The following HK1 variants were observed in gnomAD, a reference collection of about 807,000 sequenced individuals.
HK1 encodes hexokinase 1.
Under a neutral mutation model 91.6 loss-of-function variants are expected in HK1, and 28 were observed. That is an observed-to-expected ratio of 0.31 (90% CI 0.23 to 0.42). The LOEUF is 0.42. HK1 is among the 10% of genes least tolerant of loss of function. HK1 has a pLI of 1.00. For synonymous variants in HK1, 430 were observed against 468.1 expected, an observed-to-expected ratio of 0.92 and a Z score of 1.05; for missense variants, 770 against 1,219.8, an observed-to-expected ratio of 0.63 and a Z score of 5.49.
chr10:69,362,490 T>C lies in HK1; in HGVS notation c.376-2293T>C, dbSNP rs184099786. ...TTTGAGTTCAGAGCGGTTAGGTGAC[T>C]TTTTTTCCTGGTTGATCGCAGACAT... On this transcript the variant is annotated intron_variant, in intron 3 of 17. Transcript: ENST00000359426. Among the ~76,000 whole-genome samples the C allele has an allele frequency of 8.5e-3, 1,289 of 151,878 alleles. 10 individuals carry two copies. The highest frequency in any genetic ancestry group is 0.025 in the South Asian group (122 of 4,804).
chr10:69,275,622 G>A (rs1844399453), intron 1 of HK1, among the ~76,000 whole-genome samples: 1 of 152,112 alleles, frequency 6.6e-6, no homozygotes. Flanking sequence ...AACGGGTATG[G>A]CTTGGTTCTA....
At chr10:69,289,067 G>T (rs964328159) in intron 3 of HK1, among the ~76,000 whole-genome samples, 1 of 152,034 alleles carries the variant, frequency 6.6e-6, no homozygotes, top group Non-Finnish European at 1.5e-5. Context: ...ATTACAAGCC[G>T]CTCTGGTGTT....
intron 3 of HK1, among the ~76,000 whole-genome samples, chr10:69,293,969 C>T (rs1293656259): frequency 1.3e-5 from 2 of 148,328 alleles, no homozygotes; most frequent in African/African-American, 5.0e-5. Context: ...TCACGCCATT[C>T]TCCTGCCTCA....
chr10:69,302,886 G>A (rs1845949773), intron 5 of HK1, among the ~76,000 whole-genome samples: 1 of 152,138 alleles, frequency 6.6e-6, no homozygotes, highest in South Asian at 2.1e-4. Flanking sequence ...AGTGGAAGGA[G>A]TTCAAGGATG....
chr10:69,343,604 G>A (rs956251172), intron 1 of HK1, among the ~76,000 whole-genome samples: 2 of 152,214 alleles, frequency 1.3e-5, no homozygotes, highest in African/African-American at 4.8e-5. Context: ...AAGGATCTTA[G>A]AGATATCGGG....
rs765640370 is a variant in HK1 at position 69,398,586 on chromosome 10, C to G, written c.2376-9C>G. On this transcript the variant is annotated splice_polypyrimidine_tract_variant and intron_variant, in intron 16 of 17. Transcript: ENST00000359426. ...CTTCATCCAGCCCTCTGGCTCTTGT[C>G]CCCCACAGTGACCGATTAGCACTGC... is the stretch of plus-strand genomic sequence containing the variant. The G allele has an allele frequency of 2.5e-6, 4 of 1,610,228 alleles. No homozygotes were observed. The highest frequency in any genetic ancestry group is 3.4e-6 in the Non-Finnish European group (4 of 1,177,698).
chr10:69,399,203 G>T (rs768060854), intron 17 of HK1, among the ~76,000 whole-genome samples: 4 of 152,184 alleles, frequency 2.6e-5, no homozygotes, highest in Non-Finnish European at 5.9e-5. Flanking sequence ...TGGGTAAGTG[G>T]GGAGAGGATA....
rs1331723558 is a variant in HK1 at position 69,276,109 on chromosome 10, A to AT, written c.-391+6001_-391+6002insT. Among the ~76,000 whole-genome samples, 198 of 70,758 alleles carry AT rather than the reference A, an allele frequency of 2.8e-3. 5 individuals carry two copies. The highest frequency in any genetic ancestry group is 3.8e-3 in the Non-Finnish European group (143 of 37,354). The allele number at this position is 70,758 out of a possible 152,430, so 46.4% of individuals were successfully genotyped here. A position where few individuals can be genotyped will look rare whatever the true frequency, so the allele number is the denominator to read the frequency against. On this transcript the variant is annotated intron_variant, in intron 1 of 21. Transcript: ENST00000360289. Reference sequence around the variant, plus strand: ...CCTTTTCAAAAAAAAAAAAAAAAAAAAAAAAAAAAATACATATATATATAT... The same window carrying AT: ...CCTTTTCAAAAAAAAAAAAAAAAAAATAAAAAAAAAATACATATATATATAT...
At chr10:69,400,283 A>G (rs558133510) in intron 17 of HK1, among the ~76,000 whole-genome samples, 2 of 152,198 alleles carry the variant, frequency 1.3e-5, no homozygotes, top group Non-Finnish European at 2.9e-5. Flanking sequence ...TAGGTCCCCA[A>G]CCAAGGACAG....
chr10:69,284,075 G>A (rs183849743), intron 2 of HK1, among the ~76,000 whole-genome samples: 11 of 152,276 alleles, frequency 7.2e-5, no homozygotes, highest in African/African-American at 2.6e-4. Context: ...CACAGTTTGA[G>A]ACTTGTAAAA....
intron 1 of HK1, 87 bp downstream of exon 1, chr10:69,319,097 G>A (rs990093361): frequency 6.1e-6 from 9 of 1,471,578 alleles, no homozygotes; most frequent in Non-Finnish European, 8.4e-6. Context: ...TCCATCCTCC[G>A]GCGCCCGGCC....
intron 17 of HK1, 50 bp from the exon 18 acceptor site, chr10:69,400,941 A>G: frequency 6.2e-7 from 1 of 1,608,716 alleles, no homozygotes; most frequent in East Asian, 2.2e-5. Context: ...GGGTAGGCCC[A>G]GCGTCTCTCA....
chr10:69,318,862 A>G lies in HK1; in HGVS notation c.-86A>G. 1.3e-6 allele frequency: 2 copies of G among 1,499,918 alleles called. No homozygotes were observed. The highest frequency in any genetic ancestry group is 1.3e-5 in the South Asian group (1 of 78,534). 92.9% of individuals were successfully genotyped at this position (1,499,918 alleles called of 1,614,324 possible). A position where few individuals can be genotyped will look rare whatever the true frequency, so the allele number is the denominator to read the frequency against. The stretch of plus-strand genomic sequence containing the variant: ...GGAGGAGGAGGAGGAGGAGCCGCCG[A>G]GCAGCCGCCGGAGGACCACGGCTCG... On this transcript the variant is annotated 5_prime_UTR_variant, in exon 1 of 18. Transcript: ENST00000359426.
intron 1 of HK1, among the ~76,000 whole-genome samples, chr10:69,327,000 C>CTTTTTTTT (rs1042738695): frequency 8.1e-5 from 9 of 110,930 alleles, no homozygotes; most frequent in East Asian, 2.6e-4. Context: ...TGGTTTTAAA[C>CTTTTTTTT]TTTTTTTTTT....
intron 4 of HK1, 108 bp from the exon 5 acceptor site, chr10:69,368,428 T>G: frequency 1.1e-6 from 1 of 909,200 alleles, no homozygotes; most frequent in South Asian, 1.4e-5. Flanking sequence ...AGGAGCCACT[T>G]GGCCCCTATG....
rs116537889 is a variant in HK1 at position 69,293,822 on chromosome 10, A to G, written c.-114-1811A>G. 3.2e-3 allele frequency among the ~76,000 whole-genome samples: 478 copies of G among 150,746 alleles called. 3 individuals are homozygous for G. Among genetic ancestry groups the G allele is most frequent in the African/African-American group, 0.011 (458 of 41,096 alleles). ...GCAAGGGTTCCAAGAGCAGCATGGG[A>G]AGTCAAGCCCCGAAGCACAAGCATA... On this transcript the variant is annotated intron_variant, in intron 3 of 21. Coordinates refer to the HK1 transcript ENST00000360289.
At chr10:69,290,572 C>T (rs1845253281) in intron 3 of HK1, among the ~76,000 whole-genome samples, 1 of 152,130 alleles carries the variant, frequency 6.6e-6, no homozygotes, top group Admixed American at 6.6e-5. Context: ...AATCTTGGCT[C>T]ACTACAACCT....
At chr10:69,337,531 G>A (rs1015681239) in intron 1 of HK1, among the ~76,000 whole-genome samples, 1 of 152,198 alleles carries the variant, frequency 6.6e-6, no homozygotes, top group African/African-American at 2.4e-5. Flanking sequence ...GTGCACATGT[G>A]AGCCATTGCT....
chr10:69,393,576 C>T (rs947110825), intron 15 of HK1, among the ~76,000 whole-genome samples: 6 of 152,210 alleles, frequency 3.9e-5, no homozygotes, highest in East Asian at 3.9e-4. Flanking sequence ...GGATTATAGG[C>T]GTGAGCCACC....
Sources: allele counts gnomAD v4.1 joint callset (sites outside exome capture counted in the v4.1 genomes callset), GRCh38; gene constraint gnomAD v4.1.1; transcripts MANE v1.5; gene names NCBI Gene and HGNC (gene_info 2026-07-23, HGNC 2026-07-21).